The following OGFRL1 variants were observed in gnomAD, a reference collection of about 807,000 sequenced individuals.
OGFRL1 encodes the protein opioid growth factor receptor-like protein 1.
In OGFRL1, 26 loss-of-function variants were observed where a neutral mutation model predicts 32.4. The observed-to-expected ratio is 0.80, with a 90% CI of 0.59 to 1.11. OGFRL1 has a LOEUF of 1.11. Ranked by LOEUF, OGFRL1 falls within the 50% of genes most tolerant of loss-of-function variation. The probability of loss-of-function intolerance (pLI) is 0.00; values close to 1 mark genes in which losing one functional copy is unlikely to be tolerated. For synonymous variants in OGFRL1, 211 were observed against 201.2 expected, an observed-to-expected ratio of 1.05 and a Z score of -0.41; for missense variants, 521 against 546.4, an observed-to-expected ratio of 0.95 and a Z score of 0.46.
Position 71,296,706 on chromosome 6 carries a change from T to C in OGFRL1, c.581T>C (p.Phe194Ser), listed in dbSNP as rs1014395272. ...AAAACAAAAGAAGCAATTAGAAGAT[T>C]CCTCCTGGCTTATAAAATGATGCTA... ...FKKTKEAIRR[F>S]LLAYKMMLEF... is the part of the protein sequence containing the mutation. Residue 194 changes from phenylalanine to serine, a missense_variant, in exon 6 of 7, where the codon TTC becomes TCC. Transcript: ENST00000370435. 1 of 1,612,878 alleles carries C rather than the reference T, an allele frequency of 6.2e-7. No homozygotes were observed. The highest frequency in any genetic ancestry group is 1.3e-5 in the African/African-American group (1 of 74,844).
Position 71,301,789 on chromosome 6 carries a change from A to C in OGFRL1, c.1096A>C (p.Lys366Gln), listed in dbSNP as rs371639663. 3 of 1,613,642 alleles carry C rather than the reference A, an allele frequency of 1.9e-6. No individual in the cohort carries two copies. Among genetic ancestry groups the C allele is most frequent in the Admixed American group, 1.7e-5 (1 of 59,932 alleles). Residue 366 changes from lysine (K) to glutamine (Q), a missense_variant, in exon 7 of 7, where the codon AAA (lysine) becomes CAA (glutamine). Transcript: ENST00000370435. Reference sequence around the variant, plus strand: ...TTTAAATAGCAAAACAGCTGAAGACAAAAAAGTGGCACCAAAAGAGCCTGT... The same window carrying C: ...TTTAAATAGCAAAACAGCTGAAGACCAAAAAGTGGCACCAAAAGAGCCTGT... ...VHLNSKTAED[K>Q]KVAPKEPVEE...
chr6:71,294,756 GC>G (rs1766151251), intron 3 of OGFRL1, among the ~76,000 whole-genome samples: 2 of 152,096 alleles, frequency 1.3e-5, no homozygotes, highest in African/African-American at 4.8e-5. Flanking sequence ...AAAAATATTG[GC>G]CAAATTATTC....
At chr6:71,293,471 G>A (rs1344840503) in intron 2 of OGFRL1, 62 bp from the exon 3 acceptor site, 1 of 1,555,534 alleles carries the variant, frequency 6.4e-7, no homozygotes, top group Non-Finnish European at 8.8e-7. Flanking sequence ...ATGCATGAAG[G>A]GTCCTTGTAT....
At position 71,296,749 on chromosome 6, in the gene OGFRL1, A is replaced by G; in HGVS notation, c.624A>G (p.Lys208=). ...TGATGCTAGAATTTTTTGGAATAAA[A>G]CTGACTGATAAAACTGGAAATGTTG... ...YKMMLEFFGI[K]LTDKTGNVAR... is the part of the protein sequence containing the mutation. Residue 208 remains lysine, a synonymous_variant, in exon 6 of 7, where the codon AAA becomes AAG. Coordinates refer to ENST00000370435, the MANE Select transcript of OGFRL1 (RefSeq NM_024576.5). 1 of 1,613,730 alleles carries G rather than the reference A, an allele frequency of 6.2e-7. No individual in the cohort carries two copies. Among genetic ancestry groups the G allele is most frequent in the Middle Eastern group, 1.7e-4 (1 of 6,058 alleles).
At position 71,306,865 on chromosome 6, in the gene OGFRL1, A is replaced by T. The variant is rs947942285; in HGVS notation, c.*4816A>T. On this transcript the variant is annotated 3_prime_UTR_variant, in exon 7 of 7. Coordinates refer to ENST00000370435, the MANE Select transcript of OGFRL1 (RefSeq NM_024576.5). ...TAGATGTAGGCGGATGCAGAAATAGAATTATGTTAGAGAAATTATTAAAAG... is the reference window on the plus strand; with the variant it reads ...TAGATGTAGGCGGATGCAGAAATAGTATTATGTTAGAGAAATTATTAAAAG... The T allele has an allele frequency of 1.3e-5, 2 of 152,212 alleles. No homozygotes were observed. The highest frequency in any genetic ancestry group is 2.9e-5 in the Non-Finnish European group (2 of 68,030). The allele number at this position is 152,212 out of a possible 1,614,324, so 9.4% of individuals were successfully genotyped here. A position where few individuals can be genotyped will look rare whatever the true frequency, so the allele number is the denominator to read the frequency against.
rs983446903 is a variant in OGFRL1 at position 71,301,586 on chromosome 6, G to A, written c.893G>A (p.Arg298Gln). Residue 298 changes from arginine (R) to glutamine (Q), a missense_variant, in exon 7 of 7, where the codon CGG becomes CAG. By Grantham distance (43) the Arg-to-Gln change is conservative. Coordinates refer to ENST00000370435, the MANE Select transcript of OGFRL1 (RefSeq NM_024576.5). ...AGAAGAGAAAGGAGAAAGCTCCTGC[G>A]GTTCGCCCAGAAACACTACACGCCT... ...RDRRERRKLL[R>Q]FAQKHYTPSE... The A allele has an allele frequency of 8.7e-6, 14 of 1,614,020 alleles. No homozygotes were observed. Among genetic ancestry groups the A allele is most frequent in the Admixed American group, 8.3e-5 (5 of 59,996 alleles).
In OGFRL1 at chr6:71,296,802, T is replaced by C; in HGVS notation, c.677T>C (p.Phe226Ser). The change falls in exon 6 of 7, where the codon TTT becomes TCT. Residue 226 changes from phenylalanine to serine, a missense_variant. Phe to Ser is a radical substitution (Grantham distance 155). Transcript: ENST00000370435. ...CGGGCTGTTAACTGGCAGGAAAGAT[T>C]TCAGCATCTGAATGAGTAAGTAAAG... Reference protein sequence around the residue: ...VARAVNWQERFQHLNESQHNY... With the variant: ...VARAVNWQERSQHLNESQHNY... The C allele has an allele frequency of 6.2e-7, 1 of 1,613,148 alleles. No individual in the cohort carries two copies. Among genetic ancestry groups the C allele is most frequent in the Non-Finnish European group, 8.5e-7 (1 of 1,179,494 alleles).
At chr6:71,297,779 G>C (rs1766256323) in intron 6 of OGFRL1, among the ~76,000 whole-genome samples, 2 of 151,586 alleles carry the variant, frequency 1.3e-5, no homozygotes, top group Non-Finnish European at 1.5e-5. Context: ...GCTTTGGTAA[G>C]ATGGGTATAA....
At chr6:71,300,217 T>G (rs1207038392) in intron 6 of OGFRL1, among the ~76,000 whole-genome samples, 12 of 152,202 alleles carry the variant, frequency 7.9e-5, no homozygotes, top group Admixed American at 7.9e-4. Flanking sequence ...GTGGCAATAT[T>G]GGGTAAATAA....
At position 71,307,558 on chromosome 6, in the gene OGFRL1, T is replaced by C. The variant is rs1195967542; in HGVS notation, c.*5509T>C. Reference sequence around the variant, plus strand: ...TTGTTCATTCACAGCTGTATATTAATATAAAATCTCTTTATAAAATGATTC... The same window carrying C: ...TTGTTCATTCACAGCTGTATATTAACATAAAATCTCTTTATAAAATGATTC... On this transcript the variant is annotated 3_prime_UTR_variant, in exon 7 of 7. Transcript: ENST00000370435. The C allele has an allele frequency of 2.0e-5, 3 of 152,158 alleles. No individual in the cohort carries two copies. The highest frequency in any genetic ancestry group is 1.5e-5 in the Non-Finnish European group (1 of 68,022). The allele number at this position is 152,158 out of a possible 1,614,324, so 9.4% of individuals were successfully genotyped here. A position where few individuals can be genotyped will look rare whatever the true frequency, so the allele number is the denominator to read the frequency against.
At chr6:71,289,640 G>GT (rs1765983443) in intron 1 of OGFRL1, 1 of 984,102 alleles carries the variant, frequency 1.0e-6, no homozygotes, top group South Asian at 4.7e-5. Context: ...CTACAGTGGG[G>GT]TCTAAGCCGT....
Position 71,289,066 on chromosome 6 carries a change from G to C in OGFRL1, c.130G>C (p.Gly44Arg), listed in dbSNP as rs555871898. The C allele has an allele frequency of 1.7e-4, 213 of 1,235,902 alleles. 1 individual carries two copies. The East Asian group carries it at 3.7e-3, about 21-fold the overall frequency. 76.6% of individuals were successfully genotyped at this position (1,235,902 alleles called of 1,614,324 possible). A position where few individuals can be genotyped will look rare whatever the true frequency, so the allele number is the denominator to read the frequency against. Reference protein sequence around the residue: ...PGPGGGSEGPGQESEQPAQPP... With the variant: ...PGPGGGSEGPRQESEQPAQPP... ...GCCGGGCGGCGGCAGCGAGGGCCCG[G>C]GGCAGGAGTCCGAGCAGCCCGCGCA... Residue 44 changes from glycine (G) to arginine (R), a missense_variant, in exon 1 of 7, where the codon GGG becomes CGG. Transcript: ENST00000370435.
Position 71,301,592 on chromosome 6 carries a change from C to T in OGFRL1, c.899C>T (p.Ala300Val). ...RRERRKLLRF[A>V]QKHYTPSENF... ...GAAAGGAGAAAGCTCCTGCGGTTCG[C>T]CCAGAAACACTACACGCCTTCAGAG... Residue 300 changes from alanine to valine, a missense_variant, in exon 7 of 7, where the codon GCC becomes GTC. Ala to Val is a moderately conservative substitution (Grantham distance 64, BLOSUM62 0). Transcript: ENST00000370435. 1 of 1,614,152 alleles carries T rather than the reference C, an allele frequency of 6.2e-7. No individual in the cohort carries two copies. The highest frequency in any genetic ancestry group is 8.5e-7 in the Non-Finnish European group (1 of 1,180,030).
chr6:71,301,169 C>A (rs1233191662), intron 6 of OGFRL1, among the ~76,000 whole-genome samples: 1 of 152,176 alleles, frequency 6.6e-6, no homozygotes, highest in Non-Finnish European at 1.5e-5. Context: ...TTATTTTATA[C>A]ATTTGACTTT....
intron 2 of OGFRL1, 65 bp downstream of exon 2, chr6:71,293,444 G>A (rs1201865742): frequency 6.4e-6 from 10 of 1,572,342 alleles, no homozygotes; most frequent in Non-Finnish European, 7.8e-6. Context: ...AAATTTTTAT[G>A]GTGCCACTGA....
In OGFRL1 at chr6:71,289,137, G is replaced by C. The variant is rs1765956486; in HGVS notation, c.201G>C (p.Pro67=). ...GGCGGCCCGGCGCCAGCCCCGCGCC[G>C]GACGAGGACGCCGAGGCGGCGGGCG... The part of the protein sequence containing the change: ...AGGRPGASPA[P]DEDAEAAGAE... The change falls in exon 1 of 7, where the codon CCG becomes CCC. Residue 67 remains proline, a synonymous_variant. Transcript: ENST00000370435. 9.1e-7 allele frequency: 1 copy of C among 1,100,842 alleles called. No homozygotes were observed. The highest frequency in any genetic ancestry group is 5.2e-5 in the Admixed American group (1 of 19,394). The allele number at this position is 1,100,842 out of a possible 1,614,324, so 68.2% of individuals were successfully genotyped here. A position where few individuals can be genotyped will look rare whatever the true frequency, so the allele number is the denominator to read the frequency against.
intron 6 of OGFRL1, among the ~76,000 whole-genome samples, chr6:71,297,201 C>T (rs1766237906): frequency 6.6e-6 from 1 of 152,032 alleles, no homozygotes; most frequent in South Asian, 2.1e-4. Flanking sequence ...CAATCTGTTT[C>T]TAAGCATAAT....
rs1292175419 is a variant in OGFRL1 at position 71,305,418 on chromosome 6, A to G, written c.*3369A>G. ...ATTTTCATTCTCGATCTCATAAGAA[A>G]TTCAAAAGAATAATGATAGAGGTGA... On this transcript the variant is annotated 3_prime_UTR_variant, in exon 7 of 7. Coordinates refer to ENST00000370435, the MANE Select transcript of OGFRL1 (RefSeq NM_024576.5). 6.6e-6 allele frequency: 1 copy of G among 152,128 alleles called. No homozygotes were observed. Among genetic ancestry groups the G allele is most frequent in the African/African-American group, 2.4e-5 (1 of 41,458 alleles). 9.4% of individuals were successfully genotyped at this position (152,128 alleles called of 1,614,324 possible).
rs1766591567 is a variant in OGFRL1, at chr6:71,307,579, G to C, written c.*5530G>C. 1 of 152,046 alleles carries C rather than the reference G, an allele frequency of 6.6e-6. No individual in the cohort carries two copies. The highest frequency in any genetic ancestry group is 2.4e-5 in the African/African-American group (1 of 41,412). The allele number at this position is 152,046 out of a possible 1,614,324, so 9.4% of individuals were successfully genotyped here. ...TTAATATAAAATCTCTTTATAAAATGATTCAGAGAAAAGGCAGTAGTGGTC... is the reference window on the plus strand; with the variant it reads ...TTAATATAAAATCTCTTTATAAAATCATTCAGAGAAAAGGCAGTAGTGGTC... On this transcript the variant is annotated 3_prime_UTR_variant, in exon 7 of 7. Transcript: ENST00000370435.
Sources: gnomAD v4.1 joint callset for allele counts (sites outside exome capture counted in the v4.1 genomes callset) on GRCh38, gnomAD v4.1.1 for gene constraint, MANE v1.5 for transcripts, NCBI Gene and HGNC (gene_info 2026-07-23, HGNC 2026-07-21) for gene names.